Variants in FAT2 observed in about 807,000 individuals in gnomAD.
FAT2 encodes FAT atypical cadherin 2.
A neutral mutation model predicts 295.3 loss-of-function variants in FAT2; 150 were observed. That is an observed-to-expected ratio of 0.51 (90% CI 0.44 to 0.58). The LOEUF is 0.58. Among genes scored for constraint, FAT2 ranks in the 20% least tolerant of loss-of-function variants. The pLI, the probability that FAT2 is intolerant of heterozygous loss-of-function variation, is 0.00. For missense variants in FAT2, 4,868 were observed against 5,442.7 expected (o/e 0.89, Z 3.32); for synonymous variants, 2,026 against 2,150.3 (o/e 0.94, Z 1.60).
chr5:151,513,524 AC>A (rs1483726738), intron 20 of FAT2, among the ~76,000 whole-genome samples: 8 of 152,212 alleles, frequency 5.3e-5, no homozygotes, highest in Non-Finnish European at 8.8e-5. Context: ...GTTCTCACTT[AC>A]AAGTGGGAAC....
Position 151,550,585 on chromosome 5 carries a change from C to T in FAT2, c.4578+5G>A. The T allele has an allele frequency of 2.5e-6, 4 of 1,613,604 alleles. No homozygotes were observed. The highest frequency in any genetic ancestry group is 3.4e-6 in the Non-Finnish European group (4 of 1,179,752). On this transcript the variant is annotated splice_donor_5th_base_variant and intron_variant, in intron 8 of 23. Transcript: ENST00000261800. ...TATTCTCACCAGATTTTTCCATTTA[C>T]TCACCATGACTGTCAGTGTGTGCTG...
chr5:151,531,645 G>A lies in FAT2; in HGVS notation c.9753C>T (p.Thr3251=), dbSNP rs769890468. 3.7e-6 allele frequency: 6 copies of A among 1,613,710 alleles called. No individual in the cohort carries two copies. Among genetic ancestry groups the A allele is most frequent in the South Asian group, 3.3e-5 (3 of 91,048 alleles). The change falls in exon 14 of 24, where the codon ACC becomes ACT. Residue 3251 remains threonine (T), a synonymous_variant. Transcript: ENST00000261800. This position sits in a 1 kb window ranked among gnomAD's most constrained non-coding sequence, Gnocchi z 5.7. ...CGTTCCCGCTGACCACGCGGTAGCC[G>A]GTCTTCTCTGCGCCCGGGCGAGTGA... ...ATLTRPGAEK[T]GYRVVSGNEQ...
In FAT2 at chr5:151,544,026, G is replaced by T; in HGVS notation, c.7101C>A (p.Val2367=). Reference sequence around the variant, plus strand: ...GGTTGTCATTGATATCAGACACATTGACAACCACAAGGGTTTCACCAGTGA... The same window carrying T: ...GGTTGTCATTGATATCAGACACATTTACAACCACAAGGGTTTCACCAGTGA... ...PPLTGETLVV[V]NVSDINDNPP... Residue 2367 remains valine, a synonymous_variant, in exon 10 of 24, where the codon GTC becomes GTA. Coordinates refer to ENST00000261800, the MANE Select transcript of FAT2 (RefSeq NM_001447.3). 1 of 1,614,182 alleles carries T rather than the reference G, an allele frequency of 6.2e-7. No individual in the cohort carries two copies. The highest frequency in any genetic ancestry group is 8.5e-7 in the Non-Finnish European group (1 of 1,180,036).
rs1230953169 is a variant in FAT2, at chr5:151,505,943, C to A, written c.12672G>T (p.Gly4224=). 1.9e-6 allele frequency: 3 copies of A among 1,579,438 alleles called. No individual in the cohort carries two copies. The highest frequency in any genetic ancestry group is 2.6e-6 in the Non-Finnish European group (3 of 1,166,010). Residue 4224 remains glycine, a synonymous_variant, in exon 24 of 24, where the codon GGG becomes GGT. Transcript: ENST00000261800. ...CCATCTCCAGGGGGAAGGGGAAGCC[C>A]CCATAGAGGCCATTAGGCTCTGGCA... ...VVMPEPNGLY[G]GFPFPLEMEN...
intron 1 of FAT2, among the ~76,000 whole-genome samples, chr5:151,569,725 A>G (rs751328486): frequency 2.6e-5 from 4 of 152,112 alleles, no homozygotes; most frequent in Non-Finnish European, 2.9e-5. Context: ...GATAGTCCCA[A>G]CTCTTAGCCA....
upstream of FAT2, among the ~76,000 whole-genome samples, chr5:151,592,349 C>T (rs1238165047): frequency 6.6e-6 from 1 of 152,188 alleles, no homozygotes; most frequent in Non-Finnish European, 1.5e-5. Flanking sequence ...CCGTACTAGG[C>T]CCTGGGGACA....
chr5:151,510,355 C>G (rs1761226815), intron 21 of FAT2, 181 bp from the exon 22 acceptor site: 9 of 619,548 alleles, frequency 1.5e-5, no homozygotes, highest in Non-Finnish European at 2.2e-5. Context: ...GCACTTTGGT[C>G]CCTGCCCTCA....
In FAT2 at chr5:151,565,758, G is replaced by A. The variant is rs542235186; in HGVS notation, c.3174C>T (p.Asp1058=). The change falls in exon 2 of 24, where the codon GAC becomes GAT. Residue 1058 remains aspartate (D), a synonymous_variant. Transcript: ENST00000261800. Reference sequence around the variant, plus strand: ...GCTCCCCATCCAAGCCACTGTCATCGTCCTGGGCAGCCACTACAATCACCT... The same window carrying A: ...GCTCCCCATCCAAGCCACTGTCATCATCCTGGGCAGCCACTACAATCACCT... ...GTQVIVVAAQ[D]DDSGLDGELQ... 3.6e-5 allele frequency: 58 copies of A among 1,613,466 alleles called. No homozygotes were observed. The highest frequency in any genetic ancestry group is 2.7e-4 in the South Asian group (25 of 91,030).
At chr5:151,551,965 A>G (rs1757253083) in intron 6 of FAT2, among the ~76,000 whole-genome samples, 1 of 147,340 alleles carries the variant, frequency 6.8e-6, no homozygotes, top group Non-Finnish European at 1.5e-5. Context: ...ATACTTTAAT[A>G]TAACCCTAAG....
chr5:151,505,032 G>A lies in FAT2; in HGVS notation c.*533C>T, dbSNP rs995746334. On this transcript the variant is annotated 3_prime_UTR_variant, in exon 24 of 24. Coordinates refer to ENST00000261800, the MANE Select transcript of FAT2 (RefSeq NM_001447.3). ...CACAGTGAGTGCTCGACTGAGGCAGGGGCAGAGGGGACTGTGCCCGCTCCC... is the reference window on the plus strand; with the variant it reads ...CACAGTGAGTGCTCGACTGAGGCAGAGGCAGAGGGGACTGTGCCCGCTCCC... The A allele has an allele frequency of 6.1e-6, 1 of 163,594 alleles. No homozygotes were observed. 10.1% of individuals were successfully genotyped at this position (163,594 alleles called of 1,614,324 possible). A position where few individuals can be genotyped will look rare whatever the true frequency, so the allele number is the denominator to read the frequency against.
At chr5:151,525,609 T>C (rs1753903513) in intron 18 of FAT2, among the ~76,000 whole-genome samples, 159 bp downstream of exon 18, 1 of 152,128 alleles carries the variant, frequency 6.6e-6, no homozygotes, top group African/African-American at 2.4e-5. Flanking sequence ...CTGCCCTGAG[T>C]GTTATGAGGC....
At chr5:151,588,450 C>T (rs540756204) in intron 1 of FAT2, among the ~76,000 whole-genome samples, 57 of 152,348 alleles carry the variant, frequency 3.7e-4, no homozygotes, top group African/African-American at 1.3e-3. Flanking sequence ...CCGTTACCAA[C>T]TGTCTGACTC....
intron 22 of FAT2, among the ~76,000 whole-genome samples, chr5:151,508,978 C>T (rs78163831): frequency 8.6e-4 from 131 of 152,198 alleles, no homozygotes; most frequent in African/African-American, 3.1e-3. Context: ...TCTTTAAAGG[C>T]TCCCAAGTTT....
Position 151,507,218 on chromosome 5 carries a change from A to G in FAT2, c.12453T>C (p.Ala4151=). ...CATTGTCAGAGTGGGAAGGGACCGC[A>G]GCTGGCGGGAGTCTGGGGGGCACAC... is the stretch of plus-strand genomic sequence containing the variant. ...VCSVPPRLPP[A]AVPSHSDNEP... is the part of the protein sequence containing the mutation. The change falls in exon 23 of 24, where the codon GCT becomes GCC. Residue 4151 remains alanine (A), a synonymous_variant. Transcript: ENST00000261800. 6.2e-7 allele frequency: 1 copy of G among 1,613,102 alleles called. No homozygotes were observed. The highest frequency in any genetic ancestry group is 1.3e-5 in the African/African-American group (1 of 75,048).
intron 11 of FAT2, among the ~76,000 whole-genome samples, chr5:151,538,530 C>T (rs1755734319): frequency 6.6e-6 from 1 of 152,182 alleles, no homozygotes; most frequent in Non-Finnish European, 1.5e-5. Flanking sequence ...GAGGGAGTGG[C>T]AGAGGGGAAA....
At position 151,534,507 on chromosome 5, in the gene FAT2, G is replaced by T. The variant is rs1755017956; in HGVS notation, c.9329C>A (p.Ala3110Asp). ...TLHVEDVNDN[A>D]PRFFPSHCAV... ...ACAGTGGCTGGGGAAGAACCGCGGG[G>T]CATTGTCATTCACATCCTCCACATG... Residue 3110 changes from alanine to aspartate, a missense_variant, in exon 13 of 24, where the codon GCC becomes GAC. Ala to Asp is a moderately radical substitution (Grantham distance 126). This residue lies in a region of FAT2 where 1,046 missense variants were observed against 1,210.1 expected (regional missense o/e 0.86). Transcript: ENST00000261800. The T allele has an allele frequency of 1.2e-6, 2 of 1,614,064 alleles. No homozygotes were observed. Among genetic ancestry groups the T allele is most frequent in the Non-Finnish European group, 1.7e-6 (2 of 1,180,012 alleles).
intron 8 of FAT2, among the ~76,000 whole-genome samples, chr5:151,550,109 C>T (rs769789268): frequency 4.6e-5 from 7 of 152,070 alleles, no homozygotes; most frequent in Non-Finnish European, 8.8e-5. Context: ...TAGGGGGAAG[C>T]AAGTGAGGCA....
chr5:151,515,639 C>G (rs1305502782), intron 20 of FAT2, among the ~76,000 whole-genome samples: 1 of 152,210 alleles, frequency 6.6e-6, no homozygotes, highest in African/African-American at 2.4e-5. Flanking sequence ...TCTCTCCCAC[C>G]CTTCATTCAA....
rs2127590820 is a variant in FAT2, at chr5:151,531,535, T to C, written c.9811+52A>G. On this transcript the variant is annotated intron_variant, in intron 14 of 23. Coordinates refer to ENST00000261800, the MANE Select transcript of FAT2 (RefSeq NM_001447.3). The surrounding 1 kb of genome is among the most constrained non-coding windows in gnomAD (Gnocchi z 5.7). ...CCCACACAGGGGAGGAACCCAGCGC[T>C]CCCAGAAACCCTGTACGCGATGCTT... is the stretch of plus-strand genomic sequence containing the variant. 1 of 1,603,174 alleles carries C rather than the reference T, an allele frequency of 6.2e-7. No homozygotes were observed. The highest frequency in any genetic ancestry group is 8.5e-7 in the Non-Finnish European group (1 of 1,174,636).
Sources: gnomAD v4.1 joint callset for allele counts (sites outside exome capture counted in the v4.1 genomes callset) on GRCh38, gnomAD v4.1.1 for gene constraint, gnomAD v4.1.1 regional missense constraint, Gnocchi (gnomAD v3.1) non-coding constraint, MANE v1.5 for transcripts, NCBI Gene and HGNC (gene_info 2026-07-23, HGNC 2026-07-21) for gene names.